The following KALRN variants were observed in gnomAD, a reference collection of about 807,000 sequenced individuals.
The protein encoded by KALRN is kalirin.
A neutral mutation model predicts 353.7 loss-of-function variants in KALRN; 70 were observed. That is an observed-to-expected ratio of 0.20 (90% confidence interval 0.16 to 0.24). The LOEUF is 0.24. Among genes scored for constraint, KALRN ranks in the 10% least tolerant of loss-of-function variants. The pLI is 1.00. For synonymous variants in KALRN, 1,391 were observed against 1,434.8 expected, an observed-to-expected ratio of 0.97 and a Z score of 0.69; for missense variants, 2,791 against 3,756.7, an observed-to-expected ratio of 0.74 and a Z score of 6.72.
intron 3 of KALRN, among the ~76,000 whole-genome samples, chr3:124,259,321 G>A (rs1180716480): frequency 6.6e-6 from 1 of 152,178 alleles, no homozygotes; most frequent in Non-Finnish European, 1.5e-5. Context: ...GCTAAAGCAA[G>A]TATTCAGAGA....
intron 33 of KALRN, among the ~76,000 whole-genome samples, chr3:124,557,871 G>T (rs951999979): frequency 6.6e-6 from 1 of 152,156 alleles, no homozygotes; most frequent in South Asian, 2.1e-4. Flanking sequence ...GGCTCAGTTG[G>T]CAAGTATTGA....
At chr3:124,347,025 G>T in intron 9 of KALRN, 118 bp from the exon 10 acceptor site, 4 of 1,468,552 alleles carry the variant, frequency 2.7e-6, no homozygotes, top group Non-Finnish European at 2.8e-6. Flanking sequence ...CACCTGAACT[G>T]CTGCTTTACA....
At chr3:124,049,918 T>C (rs1349163713) in intron 1 of KALRN, among the ~76,000 whole-genome samples, 1 of 152,230 alleles carries the variant, frequency 6.6e-6, no homozygotes, top group Non-Finnish European at 1.5e-5. Context: ...TTTTGCTAGT[T>C]TATAATATAT....
chr3:124,172,623 G>A (rs1403518724), intron 1 of KALRN, among the ~76,000 whole-genome samples: 3 of 151,988 alleles, frequency 2.0e-5, no homozygotes, highest in Non-Finnish European at 2.9e-5. Context: ...TTGCAAGTTC[G>A]TTGAGAATAG....
chr3:124,276,040 C>T (rs144519371), intron 5 of KALRN, among the ~76,000 whole-genome samples: 14 of 152,338 alleles, frequency 9.2e-5, no homozygotes, highest in Non-Finnish European at 1.0e-4. Flanking sequence ...GCACCCTCTA[C>T]ATCTGAGACA....
chr3:124,488,184 C>T lies in KALRN; in HGVS notation c.4285-20C>T. The T allele has an allele frequency of 1.9e-6, 3 of 1,546,488 alleles. No homozygotes were observed. The highest frequency in any genetic ancestry group is 2.7e-5 in the African/African-American group (2 of 73,648). On this transcript the variant is annotated intron_variant, in intron 28 of 59. Coordinates refer to ENST00000682506, the MANE Select transcript of KALRN (RefSeq NM_001388419.1). ...CTGGGGGAGATGGCCCTAATTATGTCCGGACTTTTTTTTCCCCAGGAACTT... is the reference window on the plus strand; with the variant it reads ...CTGGGGGAGATGGCCCTAATTATGTTCGGACTTTTTTTTCCCCAGGAACTT...
intron 1 of KALRN, among the ~76,000 whole-genome samples, chr3:124,097,555 C>A (rs1009521708): frequency 6.6e-6 from 1 of 152,176 alleles, no homozygotes; most frequent in Non-Finnish European, 1.5e-5. Context: ...TGGCCTGAGT[C>A]ACTCACTTGG....
At chr3:124,701,274 C>G (rs1220282494) in intron 56 of KALRN, among the ~76,000 whole-genome samples, 1 of 152,144 alleles carries the variant, frequency 6.6e-6, no homozygotes, top group Non-Finnish European at 1.5e-5. Context: ...GCCAAAGAAT[C>G]TACTCAGGCA....
intron 3 of KALRN, among the ~76,000 whole-genome samples, chr3:124,249,739 T>A (rs892333402): frequency 9.9e-5 from 15 of 152,168 alleles, no homozygotes; most frequent in Admixed American, 6.5e-5. Flanking sequence ...CAGCCTAGTT[T>A]ATTCTGATTT....
chr3:124,167,361 A>C (rs753843920), intron 1 of KALRN, among the ~76,000 whole-genome samples: 1 of 152,248 alleles, frequency 6.6e-6, no homozygotes, highest in Non-Finnish European at 1.5e-5. Flanking sequence ...AAGTTGTCAG[A>C]AACACTGGGA....
At chr3:124,473,112 A>T (rs2061100546) in intron 25 of KALRN, among the ~76,000 whole-genome samples, 1 of 152,242 alleles carries the variant, frequency 6.6e-6, no homozygotes, top group African/African-American at 2.4e-5. Context: ...TTAATTGCAC[A>T]TACATATTTT....
intron 21 of KALRN, among the ~76,000 whole-genome samples, chr3:124,448,560 A>G (rs2150703859): frequency 2.6e-5 from 4 of 152,008 alleles, no homozygotes; most frequent in South Asian, 4.2e-4. Context: ...TTTTTCATAC[A>G]TTTCTCTGCC....
In KALRN at chr3:124,362,043, C is replaced by G. The variant is rs139229732; in HGVS notation, c.1770+14778C>G. ...GCAAGTACTTCCTGGCCGTGGCATT[C>G]AGGGTAATGGGGGCAAATCAGGTTG... On this transcript the variant is annotated intron_variant, in intron 10 of 59. Coordinates refer to ENST00000682506, the MANE Select transcript of KALRN (RefSeq NM_001388419.1). 2.8e-3 allele frequency among the ~76,000 whole-genome samples: 429 copies of G among 152,202 alleles called. 4 individuals are homozygous for G. Among genetic ancestry groups the G allele is most frequent in the African/African-American group, 9.9e-3 (411 of 41,524 alleles).
chr3:124,154,150 T>C (rs1268300851), intron 1 of KALRN, among the ~76,000 whole-genome samples: 6 of 152,218 alleles, frequency 3.9e-5, no homozygotes, highest in Non-Finnish European at 5.9e-5. Flanking sequence ...AATTTTGGCT[T>C]TTGTTGCCAT....
At chr3:124,645,637 TC>T (rs879357090) in intron 37 of KALRN, among the ~76,000 whole-genome samples, 17,114 of 139,934 alleles carry the variant, frequency 0.12, 1,054 homozygotes, top group African/African-American at 0.14. Context: ...TCTCTCTCTC[TC>T]TCTCTCTCTC....
chr3:124,418,889 A>G (rs1286739803), intron 14 of KALRN, among the ~76,000 whole-genome samples: 1 of 152,016 alleles, frequency 6.6e-6, no homozygotes, highest in Non-Finnish European at 1.5e-5. Flanking sequence ...TCCCAGCCGC[A>G]GAGATTCTGG....
At chr3:124,055,233 T>C (rs767513851) in intron 1 of KALRN, among the ~76,000 whole-genome samples, 13 of 152,242 alleles carry the variant, frequency 8.5e-5, no homozygotes, top group Non-Finnish European at 1.9e-4. Flanking sequence ...TTTAATTTTC[T>C]GTCATTCCCA....
chr3:124,562,972 C>T lies in KALRN; in HGVS notation c.5065C>T (p.Leu1689=), dbSNP rs751422486. The change falls in exon 34 of 60, where the codon CTG becomes TTG. Residue 1689 remains leucine (L), a synonymous_variant. Coordinates refer to ENST00000682506, the MANE Select transcript of KALRN (RefSeq NM_001388419.1). The stretch of plus-strand genomic sequence containing the variant: ...GCCCAGCGAGCGGCCTGGTTGGTGT[C>T]TGGTCCGTACCACCGAACGGAGCCC... ...ERPSERPGWC[L]VRTTERSPPL... The T allele has an allele frequency of 2.5e-5, 34 of 1,367,788 alleles. No individual in the cohort carries two copies. The highest frequency in any genetic ancestry group is 5.9e-5 in the African/African-American group (4 of 67,754). 84.7% of individuals were successfully genotyped at this position (1,367,788 alleles called of 1,614,324 possible). A position where few individuals can be genotyped will look rare whatever the true frequency, so the allele number is the denominator to read the frequency against.
chr3:124,333,883 CTT>C (rs914026223), intron 8 of KALRN, among the ~76,000 whole-genome samples: 2 of 152,192 alleles, frequency 1.3e-5, no homozygotes, highest in African/African-American at 4.8e-5. Context: ...AAGAGTAAGA[CTT>C]TGTCTCAAAA....
Sources: allele counts gnomAD v4.1 joint callset (sites outside exome capture counted in the v4.1 genomes callset), GRCh38; gene constraint gnomAD v4.1.1; transcripts MANE v1.5; gene names NCBI Gene and HGNC (gene_info 2026-07-23, HGNC 2026-07-21).